The following CDH11 variants were observed in gnomAD, a reference collection of about 807,000 sequenced individuals.
CDH11 encodes cadherin 11, also known as cadherin-11.
CDH11 carries 11 observed loss-of-function variants against 67.8 expected under a neutral mutation model. The observed-to-expected ratio is 0.16, with a 90% CI of 0.10 to 0.27. The LOEUF is 0.27. Ranked by LOEUF, CDH11 falls within the 10% of genes least tolerant of loss-of-function variation. The pLI is 1.00. For missense variants in CDH11, 847 were observed against 1,031.2 expected (o/e 0.82, Z 2.45); for synonymous variants, 419 against 400.0 (o/e 1.05, Z -0.57).
chr16:65,037,148 T>A (rs1488800106), intron 2 of CDH11, among the ~76,000 whole-genome samples: 1 of 152,172 alleles, frequency 6.6e-6, no homozygotes, highest in African/African-American at 2.4e-5. Flanking sequence ...CTGAGAGATC[T>A]AAGAAGCTAA....
At chr16:64,980,442 C>T (rs760903772) in intron 8 of CDH11, among the ~76,000 whole-genome samples, 3 of 152,086 alleles carry the variant, frequency 2.0e-5, no homozygotes, top group Non-Finnish European at 4.4e-5. Context: ...AGAGGAAGGA[C>T]ATCCGATACA....
intron 3 of CDH11, among the ~76,000 whole-genome samples, chr16:65,000,704 G>A (rs1323577633): frequency 6.6e-6 from 1 of 152,068 alleles, no homozygotes; most frequent in African/African-American, 2.4e-5. Context: ...AGCTACTTGG[G>A]AGGCCGAGGC....
chr16:64,956,776 T>A (rs573626689), intron 11 of CDH11, among the ~76,000 whole-genome samples: 2 of 152,306 alleles, frequency 1.3e-5, no homozygotes, highest in East Asian at 3.9e-4. Context: ...TTTTTCATTA[T>A]ACTAATACAA....
intron 1 of CDH11, among the ~76,000 whole-genome samples, chr16:65,086,692 C>T (rs770506792): frequency 5.9e-5 from 9 of 152,186 alleles, no homozygotes; most frequent in Non-Finnish European, 1.0e-4. Context: ...CCCCCAGTTA[C>T]AGAAGGCCAG....
At chr16:65,078,064 A>G (rs1272855300) in intron 1 of CDH11, among the ~76,000 whole-genome samples, 1 of 152,190 alleles carries the variant, frequency 6.6e-6, no homozygotes. Context: ...ACCCTCCCCT[A>G]CTATGCCAAG....
At chr16:65,004,602 G>A (rs746563234) in intron 3 of CDH11, 40 bp downstream of exon 3, 2 of 1,576,800 alleles carry the variant, frequency 1.3e-6, no homozygotes, top group African/African-American at 2.7e-5. Flanking sequence ...TATTCCAATG[G>A]TGGGTTGGAA....
chr16:65,086,964 C>A (rs7499071), intron 1 of CDH11, among the ~76,000 whole-genome samples: 125,613 of 152,090 alleles, frequency 0.83, 52,284 homozygotes, highest in East Asian at 1. Context: ...GAAACATCTA[C>A]GTCAAATATT....
intron 11 of CDH11, among the ~76,000 whole-genome samples, chr16:64,965,928 G>C (rs1440619973): frequency 6.6e-6 from 1 of 151,974 alleles, no homozygotes; most frequent in African/African-American, 2.4e-5. Flanking sequence ...AAGTGGTATA[G>C]TGTTATTTGA....
intron 2 of CDH11, among the ~76,000 whole-genome samples, chr16:65,011,473 A>G (rs74026222): frequency 8.5e-5 from 13 of 152,312 alleles, no homozygotes; most frequent in East Asian, 7.7e-4. Flanking sequence ...CATGGCCACA[A>G]AATATTACAG....
At chr16:65,015,996 T>C (rs1478609578) in intron 2 of CDH11, among the ~76,000 whole-genome samples, 1 of 152,180 alleles carries the variant, frequency 6.6e-6, no homozygotes, top group Non-Finnish European at 1.5e-5. Context: ...TGGAAGCCAC[T>C]GAACATGCAG....
At chr16:65,080,112 C>T (rs748336084) in intron 1 of CDH11, among the ~76,000 whole-genome samples, 2 of 151,956 alleles carry the variant, frequency 1.3e-5, no homozygotes, top group African/African-American at 4.8e-5. Context: ...TCGTACCTGA[C>T]TTAATATAAA....
intron 11 of CDH11, among the ~76,000 whole-genome samples, chr16:64,953,925 T>C (rs552685933): frequency 3.9e-5 from 6 of 152,240 alleles, no homozygotes; most frequent in Non-Finnish European, 7.3e-5. Context: ...CTGTTACCCA[T>C]AGTGTTATGG....
intron 6 of CDH11, among the ~76,000 whole-genome samples, chr16:64,990,056 T>TA (rs200418791): frequency 5.9e-4 from 89 of 151,668 alleles, no homozygotes; most frequent in African/African-American, 2.0e-3. Context: ...TGTGAAGGTT[T>TA]AAAAAAAAAT....
Position 64,947,833 on chromosome 16 carries a change from T to A in CDH11, c.2161A>T (p.Ile721Phe). 1 of 1,614,158 alleles carries A rather than the reference T, an allele frequency of 6.2e-7. No homozygotes were observed. Among genetic ancestry groups the A allele is most frequent in the Non-Finnish European group, 8.5e-7 (1 of 1,180,020 alleles). ...APNSVDVDDF[I>F]NTRIQEADND... ...TCTGCCTCCTGTATTCTCGTGTTGATGAAGTCATCGACATCCACGCTGTTG... is the reference window on the plus strand; with the variant it reads ...TCTGCCTCCTGTATTCTCGTGTTGAAGAAGTCATCGACATCCACGCTGTTG... Residue 721 changes from isoleucine (I) to phenylalanine (F), a missense_variant, in exon 13 of 13, where the codon ATC (isoleucine) becomes TTC (phenylalanine). Physicochemically the swap from Ile to Phe is conservative, Grantham distance 21. Around this residue, in one of 2 missense-constraint regions of CDH11, gnomAD observed 612 missense variants for 678.7 expected, o/e 0.90. Coordinates refer to ENST00000268603, the MANE Select transcript of CDH11 (RefSeq NM_001797.4).
At chr16:65,071,563 A>C (rs1361793443) in intron 1 of CDH11, among the ~76,000 whole-genome samples, 1 of 152,166 alleles carries the variant, frequency 6.6e-6, no homozygotes, top group African/African-American at 2.4e-5. Flanking sequence ...GGAAGATTTA[A>C]TGAGGAGGGG....
chr16:65,005,013 T>G lies in CDH11; in HGVS notation c.-144A>C, dbSNP rs1354304073. On this transcript the variant is annotated 5_prime_UTR_variant, in exon 3 of 13. An upstream open reading frame in the 5' UTR loses its in-frame stop. Coordinates refer to ENST00000268603, the MANE Select transcript of CDH11 (RefSeq NM_001797.4). ...GTCTCTGCTGGTTGAGCTCATCACGTCAGGGCTGCCCACGTCCCCAGTTAG... is the reference window on the plus strand; with the variant it reads ...GTCTCTGCTGGTTGAGCTCATCACGGCAGGGCTGCCCACGTCCCCAGTTAG... The G allele has an allele frequency of 3.0e-5, 41 of 1,386,806 alleles. No individual in the cohort carries two copies. Among genetic ancestry groups the G allele is most frequent in the Non-Finnish European group, 3.7e-5 (40 of 1,069,300 alleles). 85.9% of individuals were successfully genotyped at this position (1,386,806 alleles called of 1,614,324 possible). A position where few individuals can be genotyped will look rare whatever the true frequency, so the allele number is the denominator to read the frequency against.
intron 1 of CDH11, among the ~76,000 whole-genome samples, chr16:65,112,055 G>A (rs4967870): frequency 0.13 from 18,262 of 143,760 alleles, 1,299 homozygotes; most frequent in East Asian, 0.22. Context: ...GGGCAACAGA[G>A]GGAGACTCTG....
At chr16:64,985,616 T>A (rs2072467048) in intron 7 of CDH11, 1 of 151,836 alleles carries the variant, frequency 6.6e-6, no homozygotes, top group Admixed American at 6.6e-5. Context: ...CTTATCACAC[T>A]ATTGCAGTCA....
Position 65,121,883 on chromosome 16 carries a change from G to A in CDH11, c.-301C>T. Reference sequence around the variant, plus strand: ...AGGGACTGGCGGCGCACCTCACCTGGGGCCCTTGAGGGTGGACGCAACCTC... The same window carrying A: ...AGGGACTGGCGGCGCACCTCACCTGAGGCCCTTGAGGGTGGACGCAACCTC... On this transcript the variant is annotated 5_prime_UTR_variant, in exon 1 of 13. Coordinates refer to ENST00000268603, the MANE Select transcript of CDH11 (RefSeq NM_001797.4). This position sits in a 1 kb window ranked among gnomAD's most constrained non-coding sequence, Gnocchi z 4.1. The A allele has an allele frequency of 1.4e-6, 1 of 701,928 alleles. No homozygotes were observed. Among genetic ancestry groups the A allele is most frequent in the Non-Finnish European group, 2.6e-6 (1 of 384,634 alleles). 43.5% of individuals were successfully genotyped at this position (701,928 alleles called of 1,614,324 possible).
Sources: gnomAD v4.1 joint callset for allele counts (sites outside exome capture counted in the v4.1 genomes callset) on GRCh38, gnomAD v4.1.1 for gene constraint, gnomAD v4.1.1 regional missense constraint, Gnocchi (gnomAD v3.1) non-coding constraint, MANE v1.5 for transcripts, NCBI Gene and HGNC (gene_info 2026-07-23, HGNC 2026-07-21) for gene names.